The following KDM7A variants were observed in gnomAD, a reference collection of about 807,000 sequenced individuals.
KDM7A encodes the protein lysine-specific demethylase 7A.
KDM7A carries 28 observed loss-of-function variants against 114.8 expected under a neutral mutation model. The ratio of observed to expected loss-of-function variants is 0.24; its 90% CI spans 0.18 to 0.33. The LOEUF (loss-of-function observed/expected upper bound fraction) is 0.33, where lower values mean the gene tolerates loss of function less well. Among genes scored for constraint, KDM7A ranks in the 10% least tolerant of loss-of-function variants. The probability of loss-of-function intolerance (pLI) is 1.00; values close to 1 mark genes in which losing one functional copy is unlikely to be tolerated. For missense variants in KDM7A, 942 were observed against 1,142.5 expected, an observed-to-expected ratio of 0.82 and a Z score of 2.53; for synonymous variants, 423 against 397.8, an observed-to-expected ratio of 1.06 and a Z score of -0.75.
At chr7:140,168,333 A>C (rs909361722) in intron 1 of KDM7A, among the ~76,000 whole-genome samples, 2 of 152,226 alleles carry the variant, frequency 1.3e-5, no homozygotes, top group Non-Finnish European at 1.5e-5. Flanking sequence ...TGGAAGGCCA[A>C]GGTGGGCAGA....
intron 10 of KDM7A, 89 bp downstream of exon 10, chr7:140,113,402 T>C: frequency 2.9e-6 from 2 of 681,484 alleles, no homozygotes; most frequent in Non-Finnish European, 2.6e-6. Flanking sequence ...ACTACTGGCA[T>C]TCACACGTGC....
Position 140,171,561 on chromosome 7 carries a change from T to A in KDM7A, c.194+5183A>T, listed in dbSNP as rs900402004. On this transcript the variant is annotated intron_variant, in intron 1 of 19. Transcript: ENST00000397560. Reference sequence around the variant, plus strand: ...TATATTTATAAATATATATTTATTTTTATATATTTATATATATATATTTTT... The same window carrying A: ...TATATTTATAAATATATATTTATTTATATATATTTATATATATATATTTTT... Among the ~76,000 whole-genome samples, 11 of 113,538 alleles carry A rather than the reference T, an allele frequency of 9.7e-5. No homozygotes were observed. In the South Asian group the frequency reaches 1.5e-3, roughly 15 times the overall value. The allele number at this position is 113,538 out of a possible 152,430, so 74.5% of individuals were successfully genotyped here.
At chr7:140,170,105 A>G (rs114842455) in intron 1 of KDM7A, among the ~76,000 whole-genome samples, 3,610 of 152,302 alleles carry the variant, frequency 0.024, 139 homozygotes, top group African/African-American at 0.083. Context: ...GGTGAAATGT[A>G]TATTAAACAA....
rs762422331 is a variant in KDM7A at position 140,098,873 on chromosome 7, AC to A, written c.1918+5del. ...GATCTTTAAAATAACCATTAAAAAA[AC>A]ATACCATTCAGTGGTTTTTGAGATT... On this transcript the variant is annotated splice_donor_5th_base_variant and intron_variant, in intron 14 of 19. Transcript: ENST00000397560. 8.7e-6 allele frequency: 14 copies of A among 1,600,842 alleles called. No homozygotes were observed. Among genetic ancestry groups the A allele is most frequent in the South Asian group, 2.2e-5 (2 of 89,574 alleles).
In KDM7A at chr7:140,096,935, C is replaced by A. The variant is rs1420240148; in HGVS notation, c.2129G>T (p.Ser710Ile). 6.2e-7 allele frequency: 1 copy of A among 1,613,918 alleles called. No individual in the cohort carries two copies. Among genetic ancestry groups the A allele is most frequent in the East Asian group, 2.2e-5 (1 of 44,842 alleles). ...SNVMRNFLQKSQKPSRSEIPI... is the reference protein window; with the variant it reads ...SNVMRNFLQKIQKPSRSEIPI... The stretch of plus-strand genomic sequence containing the variant: ...AATTTCACTTCTAGATGGCTTCTGG[C>A]TCTTTTGAAGGAAGTTCCTCATCAC... Residue 710 changes from serine (S) to isoleucine (I), a missense_variant, in exon 16 of 20, where the codon AGC becomes ATC. Physicochemically the swap from Ser to Ile is moderately radical, Grantham distance 142. Coordinates refer to ENST00000397560, the MANE Select transcript of KDM7A (RefSeq NM_030647.2).
intron 7 of KDM7A, among the ~76,000 whole-genome samples, chr7:140,121,582 G>A (rs1011549060): frequency 1.3e-5 from 2 of 152,138 alleles, no homozygotes; most frequent in Non-Finnish European, 2.9e-5. Flanking sequence ...AGGATGTTTT[G>A]GAACGTTTAG....
At chr7:140,101,624 G>C (rs982053452) in intron 12 of KDM7A, among the ~76,000 whole-genome samples, 1 of 152,070 alleles carries the variant, frequency 6.6e-6, no homozygotes, top group African/African-American at 2.4e-5. Flanking sequence ...CATCCTTCCA[G>C]CTTGAACTAG....
At chr7:140,121,505 T>A (rs1818617349) in intron 7 of KDM7A, among the ~76,000 whole-genome samples, 2 of 152,130 alleles carry the variant, frequency 1.3e-5, no homozygotes, top group South Asian at 4.1e-4. Context: ...AACCACAAAT[T>A]AGCAGTCTGT....
intron 9 of KDM7A, among the ~76,000 whole-genome samples, chr7:140,114,171 C>G (rs373891218): frequency 6.6e-6 from 1 of 152,092 alleles, no homozygotes; most frequent in South Asian, 2.1e-4. Context: ...ATAGAAAACG[C>G]CCCTCCCCCT....
chr7:140,155,327 C>T (rs1251411634), intron 1 of KDM7A, among the ~76,000 whole-genome samples: 1 of 152,078 alleles, frequency 6.6e-6, no homozygotes, highest in Non-Finnish European at 1.5e-5. Context: ...GATAAGATTA[C>T]CTGGAAGCCA....
chr7:140,154,249 G>A (rs963388347), intron 1 of KDM7A, among the ~76,000 whole-genome samples: 1 of 151,846 alleles, frequency 6.6e-6, no homozygotes, highest in Non-Finnish European at 1.5e-5. Flanking sequence ...ACTTTGGGAG[G>A]CTAAGGCGGG....
rs139130264 is a variant in KDM7A, at chr7:140,165,045, G to A, written c.194+11699C>T. Among the ~76,000 whole-genome samples, 9 of 152,194 alleles carry A rather than the reference G, an allele frequency of 5.9e-5. No homozygotes were observed. In the East Asian group the frequency reaches 1.7e-3, roughly 29 times the overall value. The stretch of plus-strand genomic sequence containing the variant: ...ACCCTCAGAAGTCCTCAAACTAATC[G>A]ATTTTGAAAGGAAAATACTCACCAT... On this transcript the variant is annotated intron_variant, in intron 1 of 19. Transcript: ENST00000397560.
intron 12 of KDM7A, among the ~76,000 whole-genome samples, chr7:140,100,676 A>ACACG (rs1818189957): frequency 5.2e-5 from 2 of 38,110 alleles, no homozygotes; most frequent in Admixed American, 3.3e-4. Context: ...ATATATATAT[A>ACACG]TATACATATA....
chr7:140,143,628 A>G (rs1327084908), intron 1 of KDM7A, among the ~76,000 whole-genome samples: 2 of 152,178 alleles, frequency 1.3e-5, no homozygotes, highest in East Asian at 3.8e-4. Flanking sequence ...AAAAGCAATA[A>G]ATCAGAGACC....
intron 9 of KDM7A, among the ~76,000 whole-genome samples, chr7:140,118,539 G>A (rs1468292950): frequency 1.3e-5 from 2 of 151,346 alleles, no homozygotes; most frequent in Non-Finnish European, 2.9e-5. Flanking sequence ...CCAAGTAGCT[G>A]GGATTACAGG....
At chr7:140,136,006 C>T (rs1281982756) in intron 2 of KDM7A, among the ~76,000 whole-genome samples, 3 of 152,118 alleles carry the variant, frequency 2.0e-5, no homozygotes, top group African/African-American at 7.2e-5. Flanking sequence ...GTCACCCAGG[C>T]TGGAGTACAG....
chr7:140,099,983 T>C lies in KDM7A; in HGVS notation c.1679A>G (p.His560Arg). 8 of 1,613,872 alleles carry C rather than the reference T, an allele frequency of 5.0e-6. No individual in the cohort carries two copies. The highest frequency in any genetic ancestry group is 6.8e-6 in the Non-Finnish European group (8 of 1,179,706). The part of the protein sequence containing the change: ...SSKLNGKFNK[H>R]LQPSSTVPEW... ...AGGTACTGTGGAGGATGGTTGGAGA[T>C]GTTTGTTGAATTTTCCATTCAGTTT... is the stretch of plus-strand genomic sequence containing the variant. The change falls in exon 13 of 20, where the codon CAT (histidine) becomes CGT (arginine). Residue 560 changes from histidine to arginine, a missense_variant. His to Arg is a conservative substitution (Grantham distance 29). Around this residue, in one of 4 missense-constraint regions of KDM7A, gnomAD observed 512 missense variants for 576.6 expected, o/e 0.89. Transcript: ENST00000397560.
Position 140,124,703 on chromosome 7 carries a change from C to G in KDM7A, c.969G>C (p.Gln323His). 1 of 1,613,366 alleles carries G rather than the reference C, an allele frequency of 6.2e-7. No homozygotes were observed. The highest frequency in any genetic ancestry group is 8.5e-7 in the Non-Finnish European group (1 of 1,179,428). Residue 323 changes from glutamine (Q) to histidine (H), a missense_variant, in exon 7 of 20, where the codon CAG becomes CAC. Physicochemically the swap from Gln to His is conservative, Grantham distance 24. Coordinates refer to ENST00000397560, the MANE Select transcript of KDM7A (RefSeq NM_030647.2). ...CCTTATCTCCAAAGAACACCTCACT[C>G]TGGGTCACAGATGAACTCCAAGATT... is the stretch of plus-strand genomic sequence containing the variant. ...RYESWSSSVT[Q>H]SEVFFGDKVD...
chr7:140,095,133 C>G (rs987833661), intron 17 of KDM7A, among the ~76,000 whole-genome samples: 4 of 152,232 alleles, frequency 2.6e-5, no homozygotes, highest in African/African-American at 9.6e-5. Flanking sequence ...CTGGCGTGAA[C>G]CACTGCGCCC....
Sources: gnomAD v4.1 joint callset for allele counts (sites outside exome capture counted in the v4.1 genomes callset) on GRCh38, gnomAD v4.1.1 for gene constraint, gnomAD v4.1.1 regional missense constraint, MANE v1.5 for transcripts, NCBI Gene and HGNC (gene_info 2026-07-23, HGNC 2026-07-21) for gene names.